Variants in TGM4 observed in about 807,000 individuals in gnomAD.
TGM4 encodes transglutaminase 4.
Under a neutral mutation model 76.3 loss-of-function variants are expected in TGM4, and 61 were observed. The ratio of observed to expected loss-of-function variants is 0.80; its 90% CI spans 0.65 to 0.99. The LOEUF (loss-of-function observed/expected upper bound fraction) is 0.99, where lower values mean the gene tolerates loss of function less well. TGM4 is among the 50% of genes least tolerant of loss of function. TGM4 has a pLI of 0.00. For missense variants in TGM4, 794 were observed against 843.2 expected (o/e 0.94, Z 0.72); for synonymous variants, 337 against 329.8 (o/e 1.02, Z -0.24).
intron 8 of TGM4, among the ~76,000 whole-genome samples, chr3:44,902,270 G>A (rs1699865281): frequency 6.6e-6 from 1 of 152,162 alleles, no homozygotes; most frequent in African/African-American, 2.4e-5. Context: ...TTTGGCCTTG[G>A]ACAATCTGTG....
chr3:44,891,201 C>T (rs556800939), intron 4 of TGM4, among the ~76,000 whole-genome samples: 1 of 152,306 alleles, frequency 6.6e-6, no homozygotes, highest in African/African-American at 2.4e-5. Context: ...CTACTTCTGC[C>T]ATTACCAGCA....
intron 8 of TGM4, among the ~76,000 whole-genome samples, chr3:44,903,104 G>A (rs1422065192): frequency 6.6e-6 from 1 of 152,226 alleles, no homozygotes; most frequent in Non-Finnish European, 1.5e-5. Context: ...GAACTGTGCA[G>A]GTCCACTCAT....
chr3:44,881,481 G>A (rs1055627596), intron 1 of TGM4, among the ~76,000 whole-genome samples: 2 of 152,210 alleles, frequency 1.3e-5, no homozygotes, highest in African/African-American at 4.8e-5. Context: ...GCTGCATCTG[G>A]TGAGGGCCTT....
At chr3:44,895,607 G>A (rs528823180) in intron 5 of TGM4, among the ~76,000 whole-genome samples, 9 of 152,234 alleles carry the variant, frequency 5.9e-5, no homozygotes, top group Admixed American at 5.9e-4. Flanking sequence ...CAGTGATTGT[G>A]CCACTGTACT....
rs575005692 is a variant in TGM4 at position 44,878,781 on chromosome 3, CTCT to C, written c.19+4089_19+4091del. 2.6e-3 allele frequency among the ~76,000 whole-genome samples: 403 copies of C among 152,194 alleles called. 1 individual carries two copies. Among genetic ancestry groups the C allele is most frequent in the Non-Finnish European group, 4.6e-3 (311 of 68,012 alleles). On this transcript the variant is annotated intron_variant, in intron 1 of 13. Transcript: ENST00000296125. ...ACAGGCGTGAGCCGCTGCGCCTGGC[CTCT>C]TCTTTATCCTATTTGTGATTCTTTG...
chr3:44,875,757 C>T (rs879268500), intron 1 of TGM4, among the ~76,000 whole-genome samples: 1 of 152,216 alleles, frequency 6.6e-6, no homozygotes, highest in African/African-American at 2.4e-5. Context: ...CTAAGCCAGA[C>T]CCTCCTAGTT....
chr3:44,907,173 A>G lies in TGM4; in HGVS notation c.1300A>G (p.Ile434Val). 1 of 1,614,080 alleles carries G rather than the reference A, an allele frequency of 6.2e-7. No individual in the cohort carries two copies. Among genetic ancestry groups the G allele is most frequent in the Non-Finnish European group, 8.5e-7 (1 of 1,180,028 alleles). The change falls in exon 10 of 14, where the codon ATC becomes GTC. Residue 434 changes from isoleucine (I) to valine (V), a missense_variant. Transcript: ENST00000296125. ...KAVGQDRRRD[I>V]TYEYKYPEGS... ...AGTGGGCCAAGACAGGCGGAGAGAT[A>G]TCACCTATGAGTACAAGTATCCAGA...
At chr3:44,901,494 A>G (rs1168766969) in intron 6 of TGM4, 30 bp from the exon 7 acceptor site, 1 of 1,577,666 alleles carries the variant, frequency 6.3e-7, no homozygotes, top group South Asian at 1.2e-5. Flanking sequence ...TGAGGGGCGG[A>G]CACTGACCCC....
chr3:44,887,869 C>T, intron 3 of TGM4, 74 bp downstream of exon 3: 1 of 1,319,712 alleles, frequency 7.6e-7, no homozygotes, highest in Middle Eastern at 1.8e-4. Context: ...CAGCCCCTAT[C>T]CCCTTCCTCA....
At chr3:44,898,157 T>C (rs980472090) in intron 6 of TGM4, among the ~76,000 whole-genome samples, 15 of 151,900 alleles carry the variant, frequency 9.9e-5, no homozygotes, top group Non-Finnish European at 1.8e-4. Context: ...GGCACACACC[T>C]GTAGTCCCAG....
chr3:44,888,092 T>G (rs909361738), intron 3 of TGM4: 1 of 334,420 alleles, frequency 3.0e-6, no homozygotes, highest in Non-Finnish European at 5.5e-6. Flanking sequence ...AAATAACCCA[T>G]GGTTCCACCA....
intron 3 of TGM4, chr3:44,888,782 T>G (rs1177794210): frequency 6.6e-6 from 1 of 152,106 alleles, no homozygotes; most frequent in Non-Finnish European, 1.5e-5. Flanking sequence ...GGCCATTTCC[T>G]GCACCCTGGA....
chr3:44,878,228 G>A (rs1699475272), intron 1 of TGM4, among the ~76,000 whole-genome samples: 1 of 151,766 alleles, frequency 6.6e-6, no homozygotes, highest in Non-Finnish European at 1.5e-5. Context: ...CAAGACATGT[G>A]TGTGAGAGAG....
At chr3:44,903,229 G>A (rs994108557) in intron 8 of TGM4, among the ~76,000 whole-genome samples, 2 of 152,172 alleles carry the variant, frequency 1.3e-5, no homozygotes, top group Non-Finnish European at 2.9e-5. Context: ...GGACTTGAGT[G>A]TGTATGGATT....
chr3:44,875,082 G>A (rs1044271202), intron 1 of TGM4, among the ~76,000 whole-genome samples: 3 of 152,040 alleles, frequency 2.0e-5, no homozygotes, highest in Non-Finnish European at 4.4e-5. Context: ...TAAATATTTT[G>A]GTGTGTATTT....
At chr3:44,905,467 A>G (rs1042638828) in intron 9 of TGM4, among the ~76,000 whole-genome samples, 19 of 152,186 alleles carry the variant, frequency 1.2e-4, no homozygotes, top group Admixed American at 5.2e-4. Flanking sequence ...AGGTTCTTCT[A>G]GGAATAAGTC....
In TGM4 at chr3:44,913,817, T is replaced by G; in HGVS notation, c.*92T>G. The G allele has an allele frequency of 6.6e-7, 1 of 1,514,878 alleles. No individual in the cohort carries two copies. The highest frequency in any genetic ancestry group is 8.8e-7 in the Non-Finnish European group (1 of 1,130,620). 93.8% of individuals were successfully genotyped at this position (1,514,878 alleles called of 1,614,324 possible). On this transcript the variant is annotated 3_prime_UTR_variant, in exon 14 of 14. Transcript: ENST00000296125. ...ATTATGGATGATTAAATTTGATGAC[T>G]TATATGAGGGCAGATTCAAGAGCCA... is the stretch of plus-strand genomic sequence containing the variant.
intron 1 of TGM4, among the ~76,000 whole-genome samples, chr3:44,884,996 A>G (rs1699582731): frequency 6.6e-6 from 1 of 152,208 alleles, no homozygotes; most frequent in African/African-American, 2.4e-5. Flanking sequence ...AGCCACTCAC[A>G]GACTCACCCT....
chr3:44,911,054 A>G lies in TGM4; in HGVS notation c.1703A>G (p.Glu568Gly), dbSNP rs1699998722. ...GTTATCAGAGGTTTCATCATTGCGG[A>G]AATTGTGGAGTCTAAGGAAATCATG... ...EPVIRGFIIA[E>G]IVESKEIMAS... is the part of the protein sequence containing the mutation. Residue 568 changes from glutamate (E) to glycine (G), a missense_variant, in exon 12 of 14, where the codon GAA becomes GGA. Glu to Gly is a moderately conservative substitution (Grantham distance 98). Transcript: ENST00000296125. 6.2e-7 allele frequency: 1 copy of G among 1,614,134 alleles called. No individual in the cohort carries two copies. The highest frequency in any genetic ancestry group is 1.7e-5 in the Admixed American group (1 of 60,024).
Sources: allele counts gnomAD v4.1 joint callset (sites outside exome capture counted in the v4.1 genomes callset), GRCh38; gene constraint gnomAD v4.1.1; transcripts MANE v1.5; gene names NCBI Gene and HGNC (gene_info 2026-07-23, HGNC 2026-07-21).